The following SCOC variants were observed in gnomAD, a reference collection of about 807,000 sequenced individuals.
SCOC encodes the protein short coiled-coil protein.
Under a neutral mutation model 9.9 loss-of-function variants are expected in SCOC, and 7 were observed. The observed-to-expected ratio is 0.71, with a 90% CI of 0.40 to 1.33. The LOEUF is 1.33. SCOC is among the 40% of genes most tolerant of loss of function. The pLI is 0.01. For synonymous variants in SCOC, 19 were observed against 28.2 expected (o/e 0.67, Z 1.03); for missense variants, 66 against 89.7 (o/e 0.74, Z 1.07).
At chr4:140,373,416 C>T, upstream of SCOC, 1 of 1,498,568 alleles carries the variant, frequency 6.7e-7, no homozygotes, top group Non-Finnish European at 8.9e-7. Flanking sequence ...CATTGGCTGT[C>T]GCTGTTCCAG....
At chr4:140,299,037 C>T (rs375666895) in intron 1 of SCOC, among the ~76,000 whole-genome samples, 1 of 152,110 alleles carries the variant, frequency 6.6e-6, no homozygotes, top group Non-Finnish European at 1.5e-5. Context: ...AGGCTGGTCT[C>T]AAACTCCTAG....
intron 2 of SCOC, among the ~76,000 whole-genome samples, chr4:140,355,225 A>ATAT: frequency 4.5e-5 from 1 of 22,360 alleles, no homozygotes; most frequent in Non-Finnish European, 1.2e-4. Context: ...ATATATATAT[A>ATAT]TATATATATA....
At chr4:140,335,564 C>G (rs1333159943) in intron 1 of SCOC, among the ~76,000 whole-genome samples, 1 of 152,106 alleles carries the variant, frequency 6.6e-6, no homozygotes, top group Non-Finnish European at 1.5e-5. Context: ...GAAAGAGAAC[C>G]TTTTATACCA....
At chr4:140,337,383 G>C (rs1732987159) in intron 1 of SCOC, among the ~76,000 whole-genome samples, 1 of 151,988 alleles carries the variant, frequency 6.6e-6, no homozygotes, top group African/African-American at 2.4e-5. Flanking sequence ...TACTGAAAAA[G>C]AAAAATAAAG....
chr4:140,371,320 TAATG>T (rs1201340807), upstream of SCOC, among the ~76,000 whole-genome samples: 1 of 152,254 alleles, frequency 6.6e-6, no homozygotes, highest in African/African-American at 2.4e-5. Flanking sequence ...CATCTTTCCT[TAATG>T]AATCGTGCTG....
intron 1 of SCOC, among the ~76,000 whole-genome samples, chr4:140,271,458 A>G (rs1730843602): frequency 6.6e-6 from 1 of 152,242 alleles, no homozygotes; most frequent in African/African-American, 2.4e-5. Context: ...AATGCATCAG[A>G]AGCAGTGCAT....
chr4:140,379,239 C>A, intron 2 of SCOC, 47 bp downstream of exon 2: 3 of 1,286,290 alleles, frequency 2.3e-6, no homozygotes, highest in Non-Finnish European at 3.4e-6. Flanking sequence ...TTTGTGGATG[C>A]TTTTGCTTTA....
chr4:140,328,163 C>A (rs1299558739), intron 1 of SCOC, among the ~76,000 whole-genome samples: 1 of 152,202 alleles, frequency 6.6e-6, no homozygotes, highest in African/African-American at 2.4e-5. Flanking sequence ...ATCATGTTAG[C>A]TCTTCTTACT....
chr4:140,295,576 T>C (rs1345642021), intron 1 of SCOC, among the ~76,000 whole-genome samples: 1 of 152,164 alleles, frequency 6.6e-6, no homozygotes, highest in South Asian at 2.1e-4. Context: ...TGAGACGGCG[T>C]GGCCCCGCCT....
At chr4:140,309,335 C>G (rs1017658997) in intron 1 of SCOC, among the ~76,000 whole-genome samples, 1 of 152,180 alleles carries the variant, frequency 6.6e-6, no homozygotes, top group Admixed American at 6.5e-5. Flanking sequence ...GAATGGAAGA[C>G]CCAAAGACAA....
At chr4:140,345,423 T>C (rs538174828) in intron 2 of SCOC, among the ~76,000 whole-genome samples, 53 of 152,344 alleles carry the variant, frequency 3.5e-4, no homozygotes, top group African/African-American at 1.2e-3. Context: ...TGTTCATATA[T>C]TTGTGATGAA....
intron 1 of SCOC, among the ~76,000 whole-genome samples, chr4:140,294,396 C>T (rs1192516143): frequency 6.6e-6 from 1 of 152,174 alleles, no homozygotes; most frequent in African/African-American, 2.4e-5. Flanking sequence ...GACATTATTG[C>T]TTCAGGGTGT....
upstream of SCOC, among the ~76,000 whole-genome samples, chr4:140,343,041 A>ACATATATGTATGGCATATATGTATGG (rs778630874): frequency 6.6e-6 from 1 of 152,094 alleles, no homozygotes; most frequent in East Asian, 1.9e-4. Context: ...ATATATTTCT[A>ACATATATGTATGGCATATATGTATGG]CATATATGTA....
At chr4:140,336,439 G>C (rs1732960015) in intron 1 of SCOC, among the ~76,000 whole-genome samples, 2 of 152,034 alleles carry the variant, frequency 1.3e-5, no homozygotes, top group African/African-American at 2.4e-5. Context: ...CTACGGACTT[G>C]CCTTTTCCAG....
rs141056121 is a variant in SCOC, at chr4:140,368,204, C to T, written c.71-10917C>T. On this transcript the variant is annotated intron_variant, in intron 2 of 4. Coordinates refer to the SCOC transcript ENST00000338517. ...GAACCCAGGTTTCTTCTTCTTCAAA[C>T]CAATGCTTGTCACGTTGTTGGTAGA... Among the ~76,000 whole-genome samples the T allele has an allele frequency of 6.3e-4, 96 of 152,306 alleles. 1 individual carries two copies. Among genetic ancestry groups the T allele is most frequent in the Non-Finnish European group, 1.2e-3 (82 of 68,024 alleles).
intron 1 of SCOC, among the ~76,000 whole-genome samples, chr4:140,266,141 G>A (rs1221533167): frequency 6.6e-6 from 1 of 152,122 alleles, no homozygotes; most frequent in Admixed American, 6.5e-5. Context: ...TTTACTCCCT[G>A]ACATGGCCAA....
At chr4:140,355,226 T>TG (rs9308116) in intron 2 of SCOC, among the ~76,000 whole-genome samples, 68,961 of 121,878 alleles carry the variant, frequency 0.57, 18,067 homozygotes, top group East Asian at 0.77. Flanking sequence ...TATATATATA[T>TG]ATATATATAT....
At chr4:140,366,776 C>T in intron 2 of SCOC, 1 of 1,406,046 alleles carries the variant, frequency 7.1e-7, no homozygotes, top group South Asian at 1.2e-5. Flanking sequence ...TCAATAACAT[C>T]TACAGTTGCA....
At chr4:140,374,661 G>T (rs1424984788) in intron 1 of SCOC, among the ~76,000 whole-genome samples, 2 of 152,178 alleles carry the variant, frequency 1.3e-5, no homozygotes. Flanking sequence ...CAGTTGCTTA[G>T]TAAAGATTCC....
Sources: gnomAD v4.1 joint callset for allele counts (sites outside exome capture counted in the v4.1 genomes callset) on GRCh38, gnomAD v4.1.1 for gene constraint, MANE v1.5 for transcripts, NCBI Gene and HGNC (gene_info 2026-07-23, HGNC 2026-07-21) for gene names.